Variants in FAM24B observed in about 807,000 individuals in gnomAD.
The protein encoded by FAM24B is protein FAM24B.
A neutral mutation model predicts 2.3 loss-of-function variants in FAM24B; 3 were observed. That is an observed-to-expected ratio of 1.29 (90% CI 0.59 to 3.32). FAM24B has a LOEUF of 3.32. FAM24B is among the 30% of genes most tolerant of loss of function. FAM24B has a pLI of 0.03. For missense variants in FAM24B, 98 were observed against 117.2 expected (o/e 0.84, Z 0.76); for synonymous variants, 36 against 46.3 (o/e 0.78, Z 0.90).
At chr10:122,864,334 A>C (rs1721694482) in intron 1 of FAM24B, among the ~76,000 whole-genome samples, 1 of 152,168 alleles carries the variant, frequency 6.6e-6, no homozygotes, top group African/African-American at 2.4e-5. Context: ...TGCTTTTTTA[A>C]AAGTTCTCCT....
At chr10:122,875,056 T>A (rs1347720935) in intron 1 of FAM24B, among the ~76,000 whole-genome samples, 2 of 152,224 alleles carry the variant, frequency 1.3e-5, no homozygotes, top group Non-Finnish European at 2.9e-5. Flanking sequence ...TTCTCTTTCT[T>A]CTACTTCTGG....
intron 1 of FAM24B, among the ~76,000 whole-genome samples, chr10:122,874,197 A>G (rs1847943831): frequency 6.6e-6 from 1 of 152,218 alleles, no homozygotes; most frequent in Non-Finnish European, 1.5e-5. Context: ...ACTGTCAATT[A>G]CTGATCCAGG....
chr10:122,864,740 G>C, intron 1 of FAM24B, among the ~76,000 whole-genome samples: 1 of 152,092 alleles, frequency 6.6e-6, no homozygotes, highest in East Asian at 1.9e-4. Context: ...CTTTCCCCCT[G>C]CCAGACCCTG....
Position 122,849,217 on chromosome 10 carries a change from A to T in FAM24B, c.*30T>A. On this transcript the variant is annotated 3_prime_UTR_variant, in exon 4 of 4. Coordinates refer to ENST00000368898, the MANE Select transcript of FAM24B (RefSeq NM_152644.3). ...AACAATCTACTAAGAAGTATTGCTC[A>T]TGAAGATTTTTGTGCCCACCTTTCC... The T allele has an allele frequency of 6.7e-7, 1 of 1,492,804 alleles. No individual in the cohort carries two copies. Among genetic ancestry groups the T allele is most frequent in the South Asian group, 1.4e-5 (1 of 72,756 alleles). 92.5% of individuals were successfully genotyped at this position (1,492,804 alleles called of 1,614,324 possible).
chr10:122,875,361 T>C (rs1847960885), intron 1 of FAM24B, among the ~76,000 whole-genome samples: 1 of 152,236 alleles, frequency 6.6e-6, no homozygotes, highest in African/African-American at 2.4e-5. Context: ...CCCTTATATA[T>C]CAATCATAGC....
chr10:122,866,396 C>T (rs1298380947), intron 1 of FAM24B, among the ~76,000 whole-genome samples: 1 of 151,652 alleles, frequency 6.6e-6, no homozygotes, highest in African/African-American at 2.4e-5. Context: ...TTTATTACGT[C>T]TTCTCTTCTG....
At chr10:122,864,567 T>C (rs1053723734) in intron 1 of FAM24B, among the ~76,000 whole-genome samples, 3 of 152,222 alleles carry the variant, frequency 2.0e-5, no homozygotes, top group Non-Finnish European at 4.4e-5. Flanking sequence ...TGGGACAATA[T>C]TAATATATTA....
At chr10:122,856,101 G>A (rs761012844) in intron 1 of FAM24B, among the ~76,000 whole-genome samples, 1 of 152,204 alleles carries the variant, frequency 6.6e-6, no homozygotes, top group Non-Finnish European at 1.5e-5. Flanking sequence ...TGAACCATAT[G>A]TGGCTGCCAC....
rs575455889 is a variant in FAM24B, at chr10:122,851,590, T to C, written c.-35-1040A>G. Among the ~76,000 whole-genome samples, 357 of 152,360 alleles carry C rather than the reference T, an allele frequency of 2.3e-3. 2 individuals are homozygous for C. The highest frequency in any genetic ancestry group is 4.0e-3 in the Non-Finnish European group (269 of 68,032). On this transcript the variant is annotated intron_variant, in intron 2 of 3. Coordinates refer to ENST00000368898, the MANE Select transcript of FAM24B (RefSeq NM_152644.3). ...TATGCCTAAATACTCTCTTAAGCCATGGAATACTCAATCTCCCCTTTTCAG... is the reference window on the plus strand; with the variant it reads ...TATGCCTAAATACTCTCTTAAGCCACGGAATACTCAATCTCCCCTTTTCAG...
At chr10:122,877,282 A>G (rs1287651516) in intron 1 of FAM24B, among the ~76,000 whole-genome samples, 1 of 152,240 alleles carries the variant, frequency 6.6e-6, no homozygotes, top group Non-Finnish European at 1.5e-5. Context: ...TTTAATAGAC[A>G]TAAGGCCAGC....
chr10:122,871,019 T>C (rs1589676757), intron 1 of FAM24B, among the ~76,000 whole-genome samples: 1 of 152,166 alleles, frequency 6.6e-6, no homozygotes, highest in Non-Finnish European at 1.5e-5. Context: ...GAGGACATGA[T>C]TGTAAATCTA....
At chr10:122,878,353 C>T (rs892212231) in intron 1 of FAM24B, among the ~76,000 whole-genome samples, 4 of 151,984 alleles carry the variant, frequency 2.6e-5, no homozygotes, top group Admixed American at 6.6e-5. Context: ...GCCAACATGG[C>T]AAAACCCTGT....
chr10:122,878,323 A>C (rs1366841039), intron 1 of FAM24B, among the ~76,000 whole-genome samples: 1 of 152,168 alleles, frequency 6.6e-6, no homozygotes, highest in African/African-American at 2.4e-5. Flanking sequence ...ACTTGAAGCC[A>C]GGAGTTTGAG....
intron 1 of FAM24B, among the ~76,000 whole-genome samples, chr10:122,863,527 T>C (rs1847756852): frequency 6.6e-6 from 1 of 152,238 alleles, no homozygotes; most frequent in South Asian, 2.1e-4. Context: ...AAAGTCTTTT[T>C]AGAACAGTTT....
intron 1 of FAM24B, among the ~76,000 whole-genome samples, chr10:122,858,506 A>G (rs1847675144): frequency 6.6e-6 from 1 of 152,004 alleles, no homozygotes; most frequent in African/African-American, 2.4e-5. Context: ...TACATATGTA[A>G]CAAACCTGCA....
At chr10:122,869,032 G>C (rs982646459) in intron 1 of FAM24B, among the ~76,000 whole-genome samples, 1 of 152,068 alleles carries the variant, frequency 6.6e-6, no homozygotes, top group African/African-American at 2.4e-5. Flanking sequence ...CTGTATTCAG[G>C]AAACCCATCT....
At chr10:122,878,359 C>T (rs1179310037) in intron 1 of FAM24B, among the ~76,000 whole-genome samples, 1 of 152,034 alleles carries the variant, frequency 6.6e-6, no homozygotes, top group African/African-American at 2.4e-5. Flanking sequence ...ATGGCAAAAC[C>T]CTGTCTCTCC....
intron 1 of FAM24B, among the ~76,000 whole-genome samples, chr10:122,870,537 A>G (rs1287142370): frequency 1.3e-5 from 2 of 152,240 alleles, no homozygotes; most frequent in African/African-American, 4.8e-5. Context: ...AAAATCCTCA[A>G]TAAAATACTG....
chr10:122,869,233 A>G (rs1847852067), intron 1 of FAM24B, among the ~76,000 whole-genome samples: 1 of 152,202 alleles, frequency 6.6e-6, no homozygotes, highest in Non-Finnish European at 1.5e-5. Context: ...AGAAGAACTA[A>G]CTATCCTAAA....
Sources: allele counts gnomAD v4.1 joint callset (sites outside exome capture counted in the v4.1 genomes callset), GRCh38; gene constraint gnomAD v4.1.1; transcripts MANE v1.5; gene names NCBI Gene and HGNC (gene_info 2026-07-23, HGNC 2026-07-21).